Variants in ZNF503 observed in about 807,000 individuals in gnomAD.
The protein encoded by ZNF503 is zinc finger protein 503.
Under a neutral mutation model 34.4 loss-of-function variants are expected in ZNF503, and 15 were observed. The ratio of observed to expected loss-of-function variants is 0.44; its 90% confidence interval spans 0.29 to 0.67. The LOEUF (loss-of-function observed/expected upper bound fraction) is 0.67. ZNF503 is among the 30% of genes least tolerant of loss of function. ZNF503 has a pLI of 0.13. For missense variants in ZNF503, 1,007 were observed against 926.8 expected, an observed-to-expected ratio of 1.09 and a Z score of -1.12; for synonymous variants, 580 against 456.8, an observed-to-expected ratio of 1.27 and a Z score of -3.44.
the ZNF503 span, among the ~76,000 whole-genome samples, chr10:75,391,885 T>A: frequency 6.6e-6 from 1 of 152,278 alleles, no homozygotes; most frequent in South Asian, 2.1e-4. Context: ...TAGGAGATAA[T>A]CCCTTCTCCC....
At chr10:75,361,950 G>A in the ZNF503 span, among the ~76,000 whole-genome samples, 5 of 152,156 alleles carry the variant, frequency 3.3e-5, no homozygotes, top group African/African-American at 9.7e-5. Context: ...TGGACAACTG[G>A]AATAATCAGA....
chr10:75,396,353 T>A (rs1458252751), downstream of ZNF503, among the ~76,000 whole-genome samples: 7 of 152,046 alleles, frequency 4.6e-5, no homozygotes, highest in East Asian at 1.4e-3. This position sits in a 1 kb window ranked among gnomAD's most constrained non-coding sequence, Gnocchi z 4.4. Context: ...GTCGGGGGTG[T>A]GGAGACGGCG....
At chr10:75,302,942 C>A in the ZNF503 span, among the ~76,000 whole-genome samples, 1 of 152,128 alleles carries the variant, frequency 6.6e-6, no homozygotes. Context: ...AAAAATATTT[C>A]TCAGTTTTTG....
At chr10:75,324,880 A>T in the ZNF503 span, among the ~76,000 whole-genome samples, 1 of 152,070 alleles carries the variant, frequency 6.6e-6, no homozygotes, top group Non-Finnish European at 1.5e-5. Flanking sequence ...AGATTCTTTC[A>T]CTTAGCATAA....
the ZNF503 span, among the ~76,000 whole-genome samples, chr10:75,330,135 T>C: frequency 6.6e-6 from 1 of 152,394 alleles, no homozygotes; most frequent in African/African-American, 2.4e-5. Flanking sequence ...TCCTTCATTC[T>C]GTTGATGTGA....
chr10:75,297,841 C>G, the ZNF503 span, among the ~76,000 whole-genome samples: 2 of 152,194 alleles, frequency 1.3e-5, no homozygotes, highest in African/African-American at 4.8e-5. Flanking sequence ...ACCCCAGTAC[C>G]TCCTATCCTC....
At chr10:75,329,438 T>TCTTCCTTC in the ZNF503 span, among the ~76,000 whole-genome samples, 2 of 89,664 alleles carry the variant, frequency 2.2e-5, no homozygotes, top group Admixed American at 1.2e-4. Flanking sequence ...TTCCTTCCTT[T>TCTTCCTTC]CTTTCTTTCT....
chr10:75,306,414 A>C, the ZNF503 span, among the ~76,000 whole-genome samples: 1 of 152,102 alleles, frequency 6.6e-6, no homozygotes, highest in African/African-American at 2.4e-5. Flanking sequence ...TTGTTGTTGA[A>C]TTTAGTAGTT....
the ZNF503 span, among the ~76,000 whole-genome samples, chr10:75,352,857 C>A: frequency 5.3e-5 from 8 of 152,212 alleles, no homozygotes; most frequent in Non-Finnish European, 1.0e-4. Flanking sequence ...CCAGGAGGGG[C>A]TGCCTGGGCC....
chr10:75,319,661 T>C, the ZNF503 span, among the ~76,000 whole-genome samples: 5 of 152,218 alleles, frequency 3.3e-5, no homozygotes, highest in African/African-American at 1.2e-4. Flanking sequence ...ACATTATATA[T>C]AAATGGTCTA....
At chr10:75,349,096 A>T in the ZNF503 span, among the ~76,000 whole-genome samples, 3 of 152,208 alleles carry the variant, frequency 2.0e-5, no homozygotes, top group Non-Finnish European at 4.4e-5. Flanking sequence ...GAACAAGGGC[A>T]TTTGCAAAGT....
At position 75,397,936 on chromosome 10, in the gene ZNF503, G is replaced by T. The variant is rs1431708028; in HGVS notation, c.*813C>A. The T allele has an allele frequency of 1.3e-5, 2 of 152,568 alleles. No homozygotes were observed. The highest frequency in any genetic ancestry group is 2.9e-5 in the Non-Finnish European group (2 of 68,038). 9.5% of individuals were successfully genotyped at this position (152,568 alleles called of 1,614,324 possible). On this transcript the variant is annotated 3_prime_UTR_variant, in exon 2 of 2. Transcript: ENST00000372524. ...ACGTAAACCTTGTCCCCTTCTCAGC[G>T]GGTGGACTTAAAAATTAAAAATAGT...
the ZNF503 span, chr10:75,296,465 C>T: frequency 6.6e-6 from 1 of 150,706 alleles, no homozygotes; most frequent in African/African-American, 2.4e-5. Context: ...TGGTGGCCCA[C>T]TCTTTCTGGG....
chr10:75,288,972 C>G, the ZNF503 span, among the ~76,000 whole-genome samples: 1,091 of 152,202 alleles, frequency 7.2e-3, 14 homozygotes, highest in African/African-American at 0.025. Context: ...CTTCCATGGA[C>G]CTCTCTGAAC....
chr10:75,363,374 G>T, the ZNF503 span, among the ~76,000 whole-genome samples: 1 of 152,190 alleles, frequency 6.6e-6, no homozygotes, highest in South Asian at 2.1e-4. Context: ...TCTCTGTGGG[G>T]TCCAGGAGCA....
the ZNF503 span, among the ~76,000 whole-genome samples, chr10:75,348,507 A>ATTTTT: frequency 1.0e-3 from 103 of 99,330 alleles, no homozygotes; most frequent in Non-Finnish European, 1.5e-3. Context: ...CCCTATTACT[A>ATTTTT]TTTTTTTTTT....
At chr10:75,338,505 T>C in the ZNF503 span, 1 of 152,218 alleles carries the variant, frequency 6.6e-6, no homozygotes, top group African/African-American at 2.4e-5. Context: ...AGGATCTAAT[T>C]GATGTTAGCA....
chr10:75,317,699 T>C, the ZNF503 span, among the ~76,000 whole-genome samples: 3 of 151,348 alleles, frequency 2.0e-5, no homozygotes, highest in South Asian at 6.3e-4. Context: ...TCATGGTTAT[T>C]AAATAATGTC....
In ZNF503 at chr10:75,398,822, G is replaced by A. The variant is rs753718877; in HGVS notation, c.1868C>T (p.Thr623Ile). The change falls in exon 2 of 2, where the codon ACC becomes ATC. Residue 623 changes from threonine to isoleucine, a missense_variant. Thr to Ile is a moderately conservative substitution (Grantham distance 89, BLOSUM62 -1). Transcript: ENST00000372524. The stretch of plus-strand genomic sequence containing the variant: ...GGCGTAGGGGGAGTAGTACGGTCCG[G>A]TGGCGGCGGGCACCGGCACGGGGGC... ...PGAPVPVPAA[T>I]GPYYSPYALY... 8.0e-6 allele frequency: 12 copies of A among 1,499,242 alleles called. No individual in the cohort carries two copies. The South Asian group carries it at 9.6e-5, about 12-fold the overall frequency. 92.9% of individuals were successfully genotyped at this position (1,499,242 alleles called of 1,614,324 possible). A position where few individuals can be genotyped will look rare whatever the true frequency, so the allele number is the denominator to read the frequency against.
Sources: gnomAD v4.1 joint callset for allele counts (sites outside exome capture counted in the v4.1 genomes callset) on GRCh38, gnomAD v4.1.1 for gene constraint, Gnocchi (gnomAD v3.1) non-coding constraint, MANE v1.5 for transcripts, NCBI Gene and HGNC (gene_info 2026-07-23, HGNC 2026-07-21) for gene names.